LINC00305: variants seen among roughly 807,000 people sequenced by gnomAD.
LINC00305 encodes the protein long independently transcribed non-coding RNA 305, also known as long intergenic non-protein coding RNA 305.
intron 1 of LINC00305, among the ~76,000 whole-genome samples, chr18:64,148,199 A>C (rs970684974): frequency 2.0e-5 from 3 of 152,062 alleles, no homozygotes; most frequent in Non-Finnish European, 2.9e-5. Flanking sequence ...GATTCAGTTC[A>C]GAGGGGAGAG....
chr18:64,108,491 T>C (rs765222694), intron 1 of LINC00305, among the ~76,000 whole-genome samples: 6 of 152,222 alleles, frequency 3.9e-5, no homozygotes, highest in Non-Finnish European at 8.8e-5. Context: ...TAACTGCTAC[T>C]GCTGTTTTGG....
chr18:64,149,044 G>C (rs2051512294), exon 1 of LINC00305: 1 of 152,260 alleles, frequency 6.6e-6, no homozygotes, highest in South Asian at 2.1e-4. Context: ...CCAGCTCACA[G>C]GTGGGCTTCA....
chr18:64,112,185 T>A (rs2051317456), intron 1 of LINC00305, among the ~76,000 whole-genome samples: 1 of 152,128 alleles, frequency 6.6e-6, no homozygotes, highest in African/African-American at 2.4e-5. Context: ...TTTGGGGAAA[T>A]CTGTGAAACT....
chr18:64,146,199 G>C (rs1046498468), intron 1 of LINC00305, among the ~76,000 whole-genome samples: 4 of 152,094 alleles, frequency 2.6e-5, no homozygotes, highest in African/African-American at 4.8e-5. Context: ...GATTAAGAAA[G>C]CTTTTTTAGA....
intron 1 of LINC00305, among the ~76,000 whole-genome samples, chr18:64,123,844 T>G (rs1440032976): frequency 2.5e-4 from 38 of 151,966 alleles, no homozygotes; most frequent in Non-Finnish European, 1.5e-5. Context: ...ATGAGGGAGT[T>G]CTTGCTGTAT....
chr18:64,120,458 T>A (rs2051356954), intron 1 of LINC00305, among the ~76,000 whole-genome samples: 1 of 148,724 alleles, frequency 6.7e-6, no homozygotes, highest in African/African-American at 2.5e-5. Flanking sequence ...ACTAGGGTAT[T>A]TTTTTTTTTA....
intron 1 of LINC00305, among the ~76,000 whole-genome samples, chr18:64,099,575 C>G (rs937014450): frequency 1.3e-5 from 2 of 152,132 alleles, no homozygotes; most frequent in Non-Finnish European, 2.9e-5. Flanking sequence ...TTTTTGCTAG[C>G]TGGTCACCTG....
chr18:64,101,722 A>C (rs934480989), intron 1 of LINC00305, among the ~76,000 whole-genome samples: 1 of 152,176 alleles, frequency 6.6e-6, no homozygotes, highest in Non-Finnish European at 1.5e-5. Context: ...TTTGGGGAAC[A>C]CTGTTTAACT....
chr18:64,124,944 A>G (rs1453286456), intron 1 of LINC00305, among the ~76,000 whole-genome samples: 1 of 152,080 alleles, frequency 6.6e-6, no homozygotes, highest in African/African-American at 2.4e-5. Flanking sequence ...AATTAATTTC[A>G]ATGAAAGCAC....
chr18:64,139,574 A>T (rs1297340202), intron 1 of LINC00305: 2 of 152,200 alleles, frequency 1.3e-5, no homozygotes. Flanking sequence ...CTTCCCCTGG[A>T]AAAAAACAAT....
intron 1 of LINC00305, among the ~76,000 whole-genome samples, chr18:64,144,932 A>C (rs2051489887): frequency 6.6e-6 from 1 of 152,084 alleles, no homozygotes; most frequent in South Asian, 2.1e-4. Context: ...ACCCTCGTGG[A>C]GAGCCTATAA....
chr18:64,127,648 C>T (rs528749980), intron 1 of LINC00305, among the ~76,000 whole-genome samples: 4 of 152,166 alleles, frequency 2.6e-5, no homozygotes, highest in African/African-American at 9.6e-5. Context: ...TGGAATCAGC[C>T]TCAGGTCATG....
chr18:64,125,865 T>C (rs560701294), intron 1 of LINC00305, among the ~76,000 whole-genome samples: 3 of 152,250 alleles, frequency 2.0e-5, no homozygotes, highest in Admixed American at 1.3e-4. Flanking sequence ...GCAGTAATTA[T>C]AAAAGGGAGA....
At chr18:64,135,502 A>G (rs1226252258) in intron 1 of LINC00305, among the ~76,000 whole-genome samples, 1 of 152,230 alleles carries the variant, frequency 6.6e-6, no homozygotes, top group Non-Finnish European at 1.5e-5. Flanking sequence ...ATCCAGGAAC[A>G]GGGAATGACA....
At chr18:64,149,054 A>G (rs1157894763) in exon 1 of LINC00305, 3 of 152,278 alleles carry the variant, frequency 2.0e-5, no homozygotes, top group Non-Finnish European at 4.4e-5. Flanking sequence ...GGTGGGCTTC[A>G]GATGGCTGTT....
At chr18:64,086,522 A>G (rs1365351846) in intron 3 of LINC00305, among the ~76,000 whole-genome samples, 3 of 152,248 alleles carry the variant, frequency 2.0e-5, no homozygotes, top group African/African-American at 7.2e-5. Flanking sequence ...AAAGGGTACC[A>G]ATAGCTGCTC....
intron 1 of LINC00305, among the ~76,000 whole-genome samples, chr18:64,102,379 T>C (rs1331617641): frequency 6.6e-6 from 1 of 152,196 alleles, no homozygotes; most frequent in Non-Finnish European, 1.5e-5. Flanking sequence ...TTTGGATTCA[T>C]TATAAGTAGA....
At chr18:64,105,978 T>C (rs548257783) in intron 1 of LINC00305, among the ~76,000 whole-genome samples, 2 of 152,350 alleles carry the variant, frequency 1.3e-5, no homozygotes, top group African/African-American at 4.8e-5. Context: ...CATACCTGGG[T>C]GCTACCCTTT....
chr18:64,086,486 G>A (rs2051203991), intron 3 of LINC00305, among the ~76,000 whole-genome samples: 1 of 152,200 alleles, frequency 6.6e-6, no homozygotes, highest in Admixed American at 6.5e-5. Flanking sequence ...GATAGTTGTA[G>A]CTTTGGAAAT....
Sources: allele counts gnomAD v4.1 joint callset (sites outside exome capture counted in the v4.1 genomes callset), GRCh38; gene constraint gnomAD v4.1.1; transcripts MANE v1.5; gene names NCBI Gene and HGNC (gene_info 2026-07-23, HGNC 2026-07-21).